SMOC1: variants seen among roughly 807,000 people sequenced by gnomAD.
SMOC1 encodes SPARC-related modular calcium-binding protein 1.
In SMOC1, 22 loss-of-function variants were observed where a neutral mutation model predicts 56.3. The observed-to-expected ratio is 0.39, with a 90% CI of 0.28 to 0.56. The LOEUF is 0.56. SMOC1 is among the 20% of genes least tolerant of loss of function. The pLI, the probability that SMOC1 is intolerant of heterozygous loss-of-function variation, is 0.61. For synonymous variants in SMOC1, 193 were observed against 215.0 expected, an observed-to-expected ratio of 0.90 and a Z score of 0.89; for missense variants, 509 against 565.4, an observed-to-expected ratio of 0.90 and a Z score of 1.01.
At chr14:69,951,777 C>G (rs895131750) in intron 1 of SMOC1, among the ~76,000 whole-genome samples, 1 of 152,180 alleles carries the variant, frequency 6.6e-6, no homozygotes, top group African/African-American at 2.4e-5. Flanking sequence ...AATTCAGCCT[C>G]CACTGCTTAT....
Position 69,994,449 on chromosome 14 carries a change from C to T in SMOC1, c.633C>T (p.Ser211=), listed in dbSNP as rs759918337. The T allele has an allele frequency of 6.2e-7, 1 of 1,613,818 alleles. No homozygotes were observed. Among genetic ancestry groups the T allele is most frequent in the South Asian group, 1.1e-5 (1 of 91,070 alleles). ...TTAAACACTTGGTGATCAAGGACTC[C>T]AAACTGAACAACACCAACATAAGAA... ...LWIKHLVIKD[S]KLNNTNIRNS... The change falls in exon 7 of 12, where the codon TCC becomes TCT. Residue 211 remains serine, a synonymous_variant. Transcript: ENST00000361956.
At chr14:69,997,269 C>T (rs1017277124) in intron 7 of SMOC1, among the ~76,000 whole-genome samples, 27 of 152,202 alleles carry the variant, frequency 1.8e-4, no homozygotes, top group African/African-American at 6.3e-4. Context: ...CACCATCTCA[C>T]ACATACCTTT....
At chr14:69,973,567 C>G (rs1425900882) in intron 3 of SMOC1, among the ~76,000 whole-genome samples, 1 of 152,170 alleles carries the variant, frequency 6.6e-6, no homozygotes, top group African/African-American at 2.4e-5. Flanking sequence ...GGGTGTGGGA[C>G]ATGGTACTGG....
At chr14:69,968,900 G>A (rs1216960934) in intron 3 of SMOC1, among the ~76,000 whole-genome samples, 2 of 152,304 alleles carry the variant, frequency 1.3e-5, no homozygotes, top group African/African-American at 4.8e-5. Context: ...GAGACAGATG[G>A]GGAGAAATGA....
At chr14:69,927,837 C>A (rs909042379) in intron 1 of SMOC1, among the ~76,000 whole-genome samples, 1 of 152,166 alleles carries the variant, frequency 6.6e-6, no homozygotes, top group Non-Finnish European at 1.5e-5. Flanking sequence ...AAGTACTTGG[C>A]AGGACTGAGC....
At chr14:69,915,210 C>T (rs1884655688) in intron 1 of SMOC1, among the ~76,000 whole-genome samples, 1 of 152,206 alleles carries the variant, frequency 6.6e-6, no homozygotes, top group East Asian at 1.9e-4. Context: ...CATTGGTCCT[C>T]CTTCTTCAAT....
At chr14:70,030,035 G>A (rs1886081623) in intron 11 of SMOC1, among the ~76,000 whole-genome samples, 1 of 152,130 alleles carries the variant, frequency 6.6e-6, no homozygotes, top group South Asian at 2.1e-4. Context: ...TAGTGGCAAA[G>A]GACAGGCTGG....
Position 69,932,503 on chromosome 14 carries a change from G to A in SMOC1, c.100-19635G>A, listed in dbSNP as rs76426836. 9.9e-3 allele frequency among the ~76,000 whole-genome samples: 1,507 copies of A among 152,310 alleles called. 27 individuals are homozygous for A. The highest frequency in any genetic ancestry group is 0.035 in the African/African-American group (1,452 of 41,562). On this transcript the variant is annotated intron_variant, in intron 1 of 11. Transcript: ENST00000361956. ...CACAAAGGCATCAGGAGGAATGGGG[G>A]CAGTGGGAGCTGGAGGAACCTTTCG...
chr14:70,025,017 T>A (rs1361113870), intron 11 of SMOC1, among the ~76,000 whole-genome samples: 1 of 152,026 alleles, frequency 6.6e-6, no homozygotes, highest in Non-Finnish European at 1.5e-5. Context: ...AAGTTAGGTA[T>A]GGGACAAAGG....
rs564122443 is a variant in SMOC1 at position 69,988,229 on chromosome 14, T to C, written c.527-4188T>C. On this transcript the variant is annotated intron_variant, in intron 5 of 11. Coordinates refer to ENST00000361956, the MANE Select transcript of SMOC1 (RefSeq NM_001034852.3). ...TTGCCTTATTTGTTGTTTGTTTTCA[T>C]GTTTCCAAATTTGCCTTTTTTCTCC... is the stretch of plus-strand genomic sequence containing the variant. 2.0e-5 allele frequency among the ~76,000 whole-genome samples: 3 copies of C among 152,234 alleles called. No homozygotes were observed. In the East Asian group the frequency reaches 5.8e-4, roughly 29 times the overall value.
chr14:69,879,453 G>GGAGCTAGCGCCGCGCGCA lies in SMOC1; in HGVS notation c.-221_-204dup, dbSNP rs1349736249. 5.2e-6 allele frequency: 2 copies of GGAGCTAGCGCCGCGCGCA among 387,204 alleles called. No homozygotes were observed. Among genetic ancestry groups the GGAGCTAGCGCCGCGCGCA allele is most frequent in the Non-Finnish European group, 9.0e-6 (2 of 221,340 alleles). The allele number at this position is 387,204 out of a possible 1,614,324, so 24.0% of individuals were successfully genotyped here. A position where few individuals can be genotyped will look rare whatever the true frequency, so the allele number is the denominator to read the frequency against. On this transcript the variant is annotated 5_prime_UTR_variant, in exon 1 of 12. Coordinates refer to ENST00000361956, the MANE Select transcript of SMOC1 (RefSeq NM_001034852.3). ...TGCTGCCGCCTGGGCCCCGCCGAGCGGAGCTAGCGCCGCGCGCAGAGCACA... is the reference window on the plus strand; with the variant it reads ...TGCTGCCGCCTGGGCCCCGCCGAGCGGAGCTAGCGCCGCGCGCAGAGCTAGCGCCGCGCGCAGAGCACA...
intron 3 of SMOC1, among the ~76,000 whole-genome samples, chr14:69,955,042 C>T (rs1421029869): frequency 5.9e-5 from 9 of 152,246 alleles, no homozygotes; most frequent in African/African-American, 9.6e-5. Flanking sequence ...CGTTTGTTGC[C>T]GACCCTGGGA....
At chr14:69,938,838 A>G (rs1882436839) in intron 1 of SMOC1, among the ~76,000 whole-genome samples, 1 of 152,192 alleles carries the variant, frequency 6.6e-6, no homozygotes, top group African/African-American at 2.4e-5. Flanking sequence ...TTGTTTTTGC[A>G]AGTAACTTAG....
chr14:69,949,886 T>A (rs1414717852), intron 1 of SMOC1, among the ~76,000 whole-genome samples: 1 of 152,186 alleles, frequency 6.6e-6, no homozygotes, highest in Non-Finnish European at 1.5e-5. Context: ...GGGTTGAGGC[T>A]GGGGATCGTG....
intron 1 of SMOC1, among the ~76,000 whole-genome samples, chr14:69,919,794 A>G (rs1338552050): frequency 6.6e-6 from 1 of 152,208 alleles, no homozygotes; most frequent in Non-Finnish European, 1.5e-5. Flanking sequence ...TTTTCAAAAA[A>G]TGTATTTTAA....
At chr14:70,009,496 T>A (rs1044554018) in intron 7 of SMOC1, among the ~76,000 whole-genome samples, 4 of 152,252 alleles carry the variant, frequency 2.6e-5, no homozygotes, top group African/African-American at 9.6e-5. Context: ...GTGCACAACA[T>A]GGTTCTCCAG....
chr14:69,983,608 G>A (rs1884258577), intron 5 of SMOC1, among the ~76,000 whole-genome samples: 1 of 152,218 alleles, frequency 6.6e-6, no homozygotes, highest in Non-Finnish European at 1.5e-5. Context: ...GAGCCTCTAA[G>A]GAAAGCCCCT....
chr14:69,889,094 A>C (rs1442957493), intron 1 of SMOC1, among the ~76,000 whole-genome samples: 1 of 152,176 alleles, frequency 6.6e-6, no homozygotes, highest in Non-Finnish European at 1.5e-5. Context: ...CTGAATTTTA[A>C]ATTAAATTAA....
At chr14:69,988,300 T>TC (rs1884439619) in intron 5 of SMOC1, among the ~76,000 whole-genome samples, 1 of 150,626 alleles carries the variant, frequency 6.6e-6, no homozygotes, top group African/African-American at 2.5e-5. Flanking sequence ...TTTTTTTTTT[T>TC]CAGTGTTTAT....
Sources: gnomAD v4.1 joint callset for allele counts (sites outside exome capture counted in the v4.1 genomes callset) on GRCh38, gnomAD v4.1.1 for gene constraint, MANE v1.5 for transcripts, NCBI Gene and HGNC (gene_info 2026-07-23, HGNC 2026-07-21) for gene names.